The following DSE variants were observed in gnomAD, a reference collection of about 807,000 sequenced individuals.
DSE encodes dermatan sulfate epimerase.
In DSE, 36 loss-of-function variants were observed where a neutral mutation model predicts 84.4. The observed-to-expected ratio is 0.43, with a 90% CI of 0.33 to 0.56. DSE has a LOEUF of 0.56. Ranked by LOEUF, DSE falls within the 20% of genes least tolerant of loss-of-function variation. The pLI is 0.06. For missense variants in DSE, 862 were observed against 1,169.6 expected (o/e 0.74, Z 3.84); for synonymous variants, 410 against 430.1 (o/e 0.95, Z 0.58).
intron 2 of DSE, among the ~76,000 whole-genome samples, chr6:116,266,497 T>C (rs1410628415): frequency 6.6e-6 from 1 of 152,220 alleles, no homozygotes; most frequent in Admixed American, 6.5e-5. Context: ...TACTAAGATA[T>C]GTTGTCATCA....
In DSE at chr6:116,330,813, C is replaced by T. The variant is rs540507605; in HGVS notation, c.-53-68385C>T. On this transcript the variant is annotated intron_variant, in intron 2 of 3. Coordinates refer to the DSE transcript ENST00000430252. ...AACCTAGCTTATAAAGTCAACACAA[C>T]TTTGATATAAGAACATGAACATTAA... 2.6e-5 allele frequency among the ~76,000 whole-genome samples: 4 copies of T among 152,208 alleles called. No individual in the cohort carries two copies. In the South Asian group the frequency reaches 8.3e-4, roughly 32 times the overall value.
At chr6:116,325,088 G>A (rs1036462223) in intron 2 of DSE, among the ~76,000 whole-genome samples, 6 of 149,620 alleles carry the variant, frequency 4.0e-5, no homozygotes, top group Non-Finnish European at 6.0e-5. Context: ...TGGAAAGGCT[G>A]GAACCAGGTG....
intron 2 of DSE, among the ~76,000 whole-genome samples, chr6:116,268,835 C>A (rs1772747478): frequency 6.6e-6 from 1 of 152,084 alleles, no homozygotes; most frequent in Non-Finnish European, 1.5e-5. Context: ...TGATATAGAT[C>A]AGCTTGGCAA....
chr6:116,339,018 T>C (rs1309749541), intron 2 of DSE, among the ~76,000 whole-genome samples: 1 of 152,174 alleles, frequency 6.6e-6, no homozygotes, highest in Non-Finnish European at 1.5e-5. Flanking sequence ...CTAGAAGCTC[T>C]GTTCATCTGT....
chr6:116,390,668 C>G (rs1272246648), intron 1 of DSE, among the ~76,000 whole-genome samples: 1 of 152,096 alleles, frequency 6.6e-6, no homozygotes, highest in East Asian at 1.9e-4. Context: ...TAAAGAAATA[C>G]TAATCAGAAG....
In DSE at chr6:116,302,406, A is replaced by G. The variant is rs189075707; in HGVS notation, c.-54+43439A>G. On this transcript the variant is annotated intron_variant, in intron 2 of 3. Coordinates refer to the DSE transcript ENST00000430252. ...GACCAGTGATGATGAGCTTTTTTTC[A>G]TATGTTTGTTGGCTGCATAAATGTC... 4.7e-4 allele frequency among the ~76,000 whole-genome samples: 72 copies of G among 152,062 alleles called. 1 individual carries two copies. The East Asian group carries it at 0.013, about 27-fold the overall frequency.
intron 2 of DSE, among the ~76,000 whole-genome samples, chr6:116,313,259 A>G (rs372281356): frequency 2.6e-5 from 4 of 152,246 alleles, no homozygotes; most frequent in East Asian, 1.9e-4. Flanking sequence ...GGCCCTGCCA[A>G]TACCTTGAAT....
intron 2 of DSE, among the ~76,000 whole-genome samples, chr6:116,353,114 C>G (rs1778400332): frequency 6.6e-6 from 1 of 152,066 alleles, no homozygotes; most frequent in African/African-American, 2.4e-5. Flanking sequence ...AAATCTAGGT[C>G]TTTACTAATT....
chr6:116,322,794 A>G (rs1281530459), intron 2 of DSE, among the ~76,000 whole-genome samples: 2 of 152,188 alleles, frequency 1.3e-5, no homozygotes, highest in African/African-American at 4.8e-5. Context: ...ACTCTCAACC[A>G]AGATTTTCTG....
rs35845513 is a variant in DSE at position 116,273,834 on chromosome 6, G to GTTT, written c.-54+14880_-54+14882dup. Among the ~76,000 whole-genome samples the GTTT allele has an allele frequency of 4.1e-3, 559 of 136,922 alleles. 7 individuals carry two copies. The highest frequency in any genetic ancestry group is 0.014 in the African/African-American group (508 of 36,998). 89.8% of individuals were successfully genotyped at this position (136,922 alleles called of 152,430 possible). ...TAATTTTCAAAAAGTATGTTTTTTT[G>GTTT]TTTTTTTTTTTTTTTGAGACGAAGT... On this transcript the variant is annotated intron_variant, in intron 2 of 3. Transcript: ENST00000430252.
intron 2 of DSE, among the ~76,000 whole-genome samples, chr6:116,299,547 TATATAC>T (rs1386165015): frequency 1.4e-4 from 7 of 50,052 alleles, no homozygotes; most frequent in African/African-American, 9.1e-4. Flanking sequence ...TATATATATA[TATATAC>T]ACATACACAC....
chr6:116,361,712 C>T (rs936638071), intron 2 of DSE, among the ~76,000 whole-genome samples: 4 of 152,142 alleles, frequency 2.6e-5, no homozygotes, highest in African/African-American at 7.2e-5. Flanking sequence ...GCTCTCCAAA[C>T]TCTTATTTAG....
At chr6:116,432,612 C>G (rs536410197) in intron 4 of DSE, 3 of 151,040 alleles carry the variant, frequency 2.0e-5, no homozygotes, top group East Asian at 1.9e-4. Context: ...AACTTCATTT[C>G]TCTCTTTTTT....
At chr6:116,289,663 C>T (rs949038580) in intron 2 of DSE, among the ~76,000 whole-genome samples, 21 of 151,838 alleles carry the variant, frequency 1.4e-4, no homozygotes, top group Admixed American at 1.1e-3. Flanking sequence ...TAAAGAAAAC[C>T]AGCCCTCTTG....
chr6:116,275,245 T>C (rs978169141), intron 2 of DSE, among the ~76,000 whole-genome samples: 1 of 152,166 alleles, frequency 6.6e-6, no homozygotes, highest in African/African-American at 2.4e-5. Context: ...ATAATCACCT[T>C]AAAATGTACA....
At chr6:116,355,872 A>T (rs1778540352) in intron 2 of DSE, 1 of 152,246 alleles carries the variant, frequency 6.6e-6, no homozygotes, top group Non-Finnish European at 1.5e-5. Flanking sequence ...ACACATTTTA[A>T]CTTGAAAAAG....
chr6:116,282,426 AG>A (rs1442465358), intron 2 of DSE, among the ~76,000 whole-genome samples: 1 of 152,164 alleles, frequency 6.6e-6, no homozygotes, highest in Admixed American at 6.5e-5. Context: ...TATTTGTCAA[AG>A]AAGCCATTAT....
At chr6:116,393,742 T>G (rs768042245) in intron 1 of DSE, among the ~76,000 whole-genome samples, 1 of 152,224 alleles carries the variant, frequency 6.6e-6, no homozygotes, top group Non-Finnish European at 1.5e-5. Flanking sequence ...TTGGCACATA[T>G]TATAAGAGGG....
intron 2 of DSE, among the ~76,000 whole-genome samples, chr6:116,412,067 T>G (rs753747148): frequency 2.0e-5 from 3 of 152,226 alleles, no homozygotes; most frequent in African/African-American, 7.2e-5. Context: ...AGAAAAGTTC[T>G]AAATTAACTT....
Sources: gnomAD v4.1 joint callset for allele counts (sites outside exome capture counted in the v4.1 genomes callset) on GRCh38, gnomAD v4.1.1 for gene constraint, MANE v1.5 for transcripts, NCBI Gene and HGNC (gene_info 2026-07-23, HGNC 2026-07-21) for gene names.